Variants in MRPL1 observed in about 807,000 individuals in gnomAD.
MRPL1 encodes the protein large ribosomal subunit protein uL1m.
In MRPL1, 28 loss-of-function variants were observed where a neutral mutation model predicts 38.0. The observed-to-expected ratio is 0.74, with a 90% confidence interval of 0.55 to 1.01. The LOEUF (loss-of-function observed/expected upper bound fraction) is 1.01, where lower values mean the gene tolerates loss of function less well. MRPL1 is among the 50% of genes least tolerant of loss of function. The probability of loss-of-function intolerance (pLI) is 0.00; values close to 1 mark genes in which losing one functional copy is unlikely to be tolerated. For missense variants in MRPL1, 358 were observed against 389.8 expected (o/e 0.92, Z 0.69); for synonymous variants, 123 against 126.7 (o/e 0.97, Z 0.20).
At chr4:77,912,103 A>G (rs1479876418) in intron 7 of MRPL1, among the ~76,000 whole-genome samples, 2 of 152,204 alleles carry the variant, frequency 1.3e-5, no homozygotes, top group Non-Finnish European at 2.9e-5. Flanking sequence ...TAACCTGAAA[A>G]GAGTGTCTAA....
At chr4:77,921,976 C>T (rs112007912) in intron 7 of MRPL1, among the ~76,000 whole-genome samples, 8,049 of 151,928 alleles carry the variant, frequency 0.053, 286 homozygotes, top group African/African-American at 0.1. Context: ...ATATGCCAGG[C>T]GTTACTCTAG....
chr4:77,873,435 T>C (rs1035592343), intron 2 of MRPL1, among the ~76,000 whole-genome samples: 2 of 152,192 alleles, frequency 1.3e-5, no homozygotes, highest in African/African-American at 4.8e-5. Context: ...GCAAAGCAAA[T>C]AGAGTCCCAG....
intron 1 of MRPL1, among the ~76,000 whole-genome samples, chr4:77,866,748 C>CTTTTT (rs1560457402): frequency 2.0e-5 from 3 of 150,150 alleles, no homozygotes; most frequent in African/African-American, 4.9e-5. Flanking sequence ...ATATCACCCC[C>CTTTTT]CTTTTTTTTT....
chr4:77,925,333 CTTTT>C (rs1242232262), intron 7 of MRPL1, among the ~76,000 whole-genome samples: 1 of 144,276 alleles, frequency 6.9e-6, no homozygotes, highest in Non-Finnish European at 1.5e-5. Flanking sequence ...TAATTAAGTA[CTTTT>C]TTTTTTTTGT....
At chr4:77,935,988 G>C (rs1258338400) in intron 7 of MRPL1, among the ~76,000 whole-genome samples, 1 of 150,732 alleles carries the variant, frequency 6.6e-6, no homozygotes, top group Non-Finnish European at 1.5e-5. Flanking sequence ...TAAAGGGCTA[G>C]TTTAAATAAT....
chr4:77,866,549 G>A (rs10012012), intron 1 of MRPL1, among the ~76,000 whole-genome samples: 150,535 of 152,196 alleles, frequency 0.99, 74,454 homozygotes, highest in East Asian at 1. Context: ...TCCTACCCCC[G>A]CCTCACCCAG....
chr4:77,936,600 G>A (rs926711420), intron 7 of MRPL1, among the ~76,000 whole-genome samples: 1 of 152,144 alleles, frequency 6.6e-6, no homozygotes, highest in Non-Finnish European at 1.5e-5. Flanking sequence ...TTTATGTATT[G>A]TCTATGATTT....
At chr4:77,913,809 C>T (rs1736351947) in intron 7 of MRPL1, among the ~76,000 whole-genome samples, 2 of 152,086 alleles carry the variant, frequency 1.3e-5, no homozygotes, top group South Asian at 2.1e-4. Context: ...TACATTCTAC[C>T]ATACTGATGG....
At chr4:77,947,026 A>AAAAAAAG in intron 7 of MRPL1, among the ~76,000 whole-genome samples, 1 of 149,360 alleles carries the variant, frequency 6.7e-6, no homozygotes, top group African/African-American at 2.5e-5. Flanking sequence ...AAAAAAAAAA[A>AAAAAAAG]GTTAAGAACC....
At chr4:77,872,003 G>A in intron 2 of MRPL1, 148 bp downstream of exon 2, 1 of 611,664 alleles carries the variant, frequency 1.6e-6, no homozygotes, top group Non-Finnish European at 2.9e-6. Flanking sequence ...CTGAAGGAAA[G>A]ATAAGACATA....
At chr4:77,886,152 A>G (rs534548360) in intron 4 of MRPL1, among the ~76,000 whole-genome samples, 6 of 152,082 alleles carry the variant, frequency 3.9e-5, no homozygotes, top group Non-Finnish European at 8.8e-5. Context: ...TCCCTGATGC[A>G]TTTAATTGAA....
intron 2 of MRPL1, among the ~76,000 whole-genome samples, chr4:77,873,687 G>A (rs1341604285): frequency 6.6e-6 from 1 of 152,174 alleles, no homozygotes; most frequent in African/African-American, 2.4e-5. Context: ...ATATGAAGAT[G>A]AACAAGGCAC....
intron 7 of MRPL1, among the ~76,000 whole-genome samples, chr4:77,941,279 A>T (rs1450592087): frequency 1.3e-5 from 2 of 152,022 alleles, no homozygotes; most frequent in Admixed American, 1.3e-4. Flanking sequence ...AAAAAAAAAA[A>T]AAGAGGATTT....
At chr4:77,894,989 CTT>C (rs1222506196) in intron 6 of MRPL1, among the ~76,000 whole-genome samples, 1 of 152,228 alleles carries the variant, frequency 6.6e-6, no homozygotes, top group East Asian at 1.9e-4. Context: ...AATTAGCTCT[CTT>C]TGACTGTGGG....
intron 7 of MRPL1, among the ~76,000 whole-genome samples, chr4:77,942,494 C>G (rs2110265731): frequency 6.6e-6 from 1 of 152,060 alleles, no homozygotes; most frequent in East Asian, 1.9e-4. Context: ...GTGTTGCTGT[C>G]TATCTCATTT....
chr4:77,933,316 CTG>C (rs977648772), intron 7 of MRPL1, among the ~76,000 whole-genome samples: 6 of 152,052 alleles, frequency 3.9e-5, no homozygotes, highest in African/African-American at 1.4e-4. Flanking sequence ...CTTTTTTTCT[CTG>C]TCTTTGTCCT....
At chr4:77,875,191 T>C (rs949816849) in intron 2 of MRPL1, among the ~76,000 whole-genome samples, 1 of 152,332 alleles carries the variant, frequency 6.6e-6, no homozygotes, top group South Asian at 2.1e-4. Context: ...TATACAAATA[T>C]GATATTCGTA....
At chr4:77,899,024 C>T (rs1011160943) in intron 6 of MRPL1, among the ~76,000 whole-genome samples, 8 of 133,954 alleles carry the variant, frequency 6.0e-5, no homozygotes, top group African/African-American at 2.0e-4. Context: ...GACAGAGTCT[C>T]GTTCTGTCAC....
rs370793006 is a variant in MRPL1, at chr4:77,867,969, G to T, written c.32-3775G>T. 5.3e-5 allele frequency among the ~76,000 whole-genome samples: 8 copies of T among 151,816 alleles called. No individual in the cohort carries two copies. In the South Asian group the frequency reaches 1.7e-3, roughly 32 times the overall value. ...GACGGGGTTTCACCGTGTTAGCCAGGATGGTCTTGATCTCCTGACCTCGTG... is the reference window on the plus strand; with the variant it reads ...GACGGGGTTTCACCGTGTTAGCCAGTATGGTCTTGATCTCCTGACCTCGTG... On this transcript the variant is annotated intron_variant, in intron 1 of 8. Transcript: ENST00000315567.
Sources: allele counts gnomAD v4.1 joint callset (sites outside exome capture counted in the v4.1 genomes callset), GRCh38; gene constraint gnomAD v4.1.1; transcripts MANE v1.5; gene names NCBI Gene and HGNC (gene_info 2026-07-23, HGNC 2026-07-21).